Variants in KCNT2 observed in about 807,000 individuals in gnomAD.
KCNT2 encodes potassium sodium-activated channel subfamily T member 2, also known as potassium channel subfamily T member 2.
Under a neutral mutation model 153.8 loss-of-function variants are expected in KCNT2, and 67 were observed. The ratio of observed to expected loss-of-function variants is 0.44; its 90% CI spans 0.36 to 0.53. The LOEUF (loss-of-function observed/expected upper bound fraction) is 0.53, where lower values mean the gene tolerates loss of function less well. Ranked by LOEUF, KCNT2 falls within the 20% of genes least tolerant of loss-of-function variation. The pLI is 0.00. For synonymous variants in KCNT2, 500 were observed against 458.8 expected, an observed-to-expected ratio of 1.09 and a Z score of -1.15; for missense variants, 975 against 1,354.8, an observed-to-expected ratio of 0.72 and a Z score of 4.40.
intron 20 of KCNT2, among the ~76,000 whole-genome samples, chr1:196,318,344 C>T (rs1572020200): frequency 6.6e-6 from 1 of 151,462 alleles, no homozygotes; most frequent in South Asian, 2.1e-4. Flanking sequence ...ACATAACTGT[C>T]CCCAGACCAA....
chr1:196,462,263 T>C (rs188847943), intron 8 of KCNT2, among the ~76,000 whole-genome samples: 1 of 151,820 alleles, frequency 6.6e-6, no homozygotes, highest in East Asian at 1.9e-4. Context: ...ATTTTAAAAG[T>C]ACTCTGAATG....
intron 18 of KCNT2, among the ~76,000 whole-genome samples, chr1:196,327,475 A>G (rs903259107): frequency 7.9e-5 from 12 of 152,080 alleles, no homozygotes; most frequent in Admixed American, 7.9e-4. Context: ...GCATTTTGCT[A>G]TTTCATGGAG....
intron 4 of KCNT2, among the ~76,000 whole-genome samples, chr1:196,480,224 ATATGTT>A (rs1226314357): frequency 2.0e-5 from 3 of 152,198 alleles, no homozygotes; most frequent in Non-Finnish European, 4.4e-5. Flanking sequence ...AGGTAAATAT[ATATGTT>A]TATAGATTTT....
At chr1:196,397,299 A>G (rs1042357352) in intron 13 of KCNT2, among the ~76,000 whole-genome samples, 2 of 151,524 alleles carry the variant, frequency 1.3e-5, no homozygotes, top group African/African-American at 4.8e-5. Flanking sequence ...ATAATAATAA[A>G]AATAAGATAG....
At chr1:196,422,036 T>C (rs949046211) in intron 12 of KCNT2, among the ~76,000 whole-genome samples, 3 of 152,068 alleles carry the variant, frequency 2.0e-5, no homozygotes, top group African/African-American at 7.2e-5. Context: ...TAAGTTCACA[T>C]GCTGAGGTAC....
intron 8 of KCNT2, among the ~76,000 whole-genome samples, chr1:196,439,025 T>C (rs1055235887): frequency 6.6e-6 from 1 of 151,870 alleles, no homozygotes. Context: ...GTTTATGCAC[T>C]TTAGGAAGCA....
intron 1 of KCNT2, among the ~76,000 whole-genome samples, chr1:196,510,827 A>G (rs146902114): frequency 6.6e-6 from 1 of 152,324 alleles, no homozygotes; most frequent in East Asian, 1.9e-4. Context: ...CAAAGTTTGT[A>G]TCAGTGTCCA....
chr1:196,554,414 A>G (rs553240207), intron 1 of KCNT2, among the ~76,000 whole-genome samples: 22 of 151,430 alleles, frequency 1.5e-4, no homozygotes, highest in African/African-American at 4.6e-4. Context: ...GAGGAAATGG[A>G]TAATTTCCTA....
chr1:196,256,381 C>T (rs191784797), intron 26 of KCNT2, among the ~76,000 whole-genome samples: 15 of 152,008 alleles, frequency 9.9e-5, no homozygotes, highest in Admixed American at 9.2e-4. Flanking sequence ...TGGTCCATGA[C>T]AGCATTTTCC....
At chr1:196,464,866 T>C (rs1188385993) in intron 8 of KCNT2, among the ~76,000 whole-genome samples, 1 of 152,006 alleles carries the variant, frequency 6.6e-6, no homozygotes, top group African/African-American at 2.4e-5. Flanking sequence ...GACTGCACAC[T>C]AAGAATCATG....
intron 1 of KCNT2, among the ~76,000 whole-genome samples, chr1:196,595,420 G>C (rs887846271): frequency 6.6e-6 from 1 of 152,006 alleles, no homozygotes; most frequent in African/African-American, 2.4e-5. Context: ...ATAGTCATGT[G>C]CTTTATATAT....
intron 25 of KCNT2, among the ~76,000 whole-genome samples, chr1:196,279,767 C>A (rs1658918902): frequency 1.3e-5 from 2 of 151,730 alleles, no homozygotes; most frequent in South Asian, 4.2e-4. Flanking sequence ...AAAGTGACAC[C>A]ACCAAGAAGC....
intron 21 of KCNT2, among the ~76,000 whole-genome samples, chr1:196,314,861 T>C (rs1053660745): frequency 6.6e-6 from 1 of 151,716 alleles, no homozygotes; most frequent in Admixed American, 6.6e-5. Flanking sequence ...CTAATATTTA[T>C]TAAGTAATTA....
intron 1 of KCNT2, among the ~76,000 whole-genome samples, chr1:196,544,839 T>G (rs1242385190): frequency 6.6e-6 from 1 of 152,124 alleles, no homozygotes; most frequent in African/African-American, 2.4e-5. Context: ...ATGATCACAT[T>G]TGTTTTATAG....
rs565268730 is a variant in KCNT2, at chr1:196,551,885, C to T, written c.95+56330G>A. 4.6e-5 allele frequency among the ~76,000 whole-genome samples: 7 copies of T among 151,660 alleles called. No homozygotes were observed. The East Asian group carries it at 1.2e-3, about 25-fold the overall frequency. ...TGAAAAGAAACATTCACTCTTCCAC[C>T]TGCCCTGGTTGGTATACTTGAATTG... On this transcript the variant is annotated intron_variant, in intron 1 of 27. Transcript: ENST00000294725.
chr1:196,343,197 C>T (rs1665829649), intron 14 of KCNT2: 1 of 152,136 alleles, frequency 6.6e-6, no homozygotes, highest in African/African-American at 2.4e-5. Flanking sequence ...CAAAAGACAT[C>T]CCACAAAAGT....
At chr1:196,332,786 T>C (rs1664587493) in intron 17 of KCNT2, among the ~76,000 whole-genome samples, 1 of 96,584 alleles carries the variant, frequency 1.0e-5, no homozygotes, top group Non-Finnish European at 2.2e-5. Context: ...TATTGGCTAG[T>C]TTTTTTTTTT....
chr1:196,307,884 C>T (rs1271598755), intron 21 of KCNT2, among the ~76,000 whole-genome samples: 1 of 152,000 alleles, frequency 6.6e-6, no homozygotes. Flanking sequence ...GAAATGCCAC[C>T]AACTGCCAAA....
chr1:196,603,938 C>T (rs777297483), intron 1 of KCNT2, among the ~76,000 whole-genome samples: 1 of 152,204 alleles, frequency 6.6e-6, no homozygotes, highest in Non-Finnish European at 1.5e-5. Flanking sequence ...CAGTGTTTAA[C>T]TGCAGGAGAA....
Sources: allele counts gnomAD v4.1 joint callset (sites outside exome capture counted in the v4.1 genomes callset), GRCh38; gene constraint gnomAD v4.1.1; transcripts MANE v1.5; gene names NCBI Gene and HGNC (gene_info 2026-07-23, HGNC 2026-07-21).